Variants in FMN1 observed in about 807,000 individuals in gnomAD.
FMN1 encodes the protein formin-1.
In FMN1, 110 loss-of-function variants were observed where a neutral mutation model predicts 132.4. The observed-to-expected ratio is 0.83, with a 90% CI of 0.71 to 0.97. The LOEUF is 0.97. Among genes scored for constraint, FMN1 ranks in the 50% least tolerant of loss-of-function variants. The pLI is 0.00. For missense variants in FMN1, 1,792 were observed against 1,705.3 expected (o/e 1.05, Z -0.90); for synonymous variants, 722 against 651.7 (o/e 1.11, Z -1.64).
chr15:33,013,030 A>AG (rs1333062820), intron 6 of FMN1: 6 of 414,144 alleles, frequency 1.4e-5, no homozygotes, highest in Non-Finnish European at 2.8e-5. Flanking sequence ...AGGAGGCTAT[A>AG]GGGGTAGCAC....
At chr15:33,106,673 T>C (rs536475591) in intron 4 of FMN1, among the ~76,000 whole-genome samples, 1 of 152,146 alleles carries the variant, frequency 6.6e-6, no homozygotes, top group East Asian at 1.9e-4. Context: ...ACCATTGAAA[T>C]TTTGGGCCAG....
At chr15:33,106,370 C>T (rs1041312171) in intron 4 of FMN1, 1 of 151,702 alleles carries the variant, frequency 6.6e-6, no homozygotes, top group African/African-American at 2.4e-5. Context: ...GTCTCTGTGG[C>T]CTTTTTTTTA....
chr15:32,912,845 C>T (rs1409059590), intron 10 of FMN1, among the ~76,000 whole-genome samples: 1 of 152,082 alleles, frequency 6.6e-6, no homozygotes, highest in Non-Finnish European at 1.5e-5. Flanking sequence ...TAAAACAGCT[C>T]TAATACCACT....
intron 9 of FMN1, among the ~76,000 whole-genome samples, chr15:32,954,708 G>C (rs972299848): frequency 6.6e-6 from 1 of 152,134 alleles, no homozygotes; most frequent in African/African-American, 2.4e-5. Context: ...CATTTATCAA[G>C]TAATTAACAA....
intron 7 of FMN1, among the ~76,000 whole-genome samples, chr15:32,982,039 GA>G (rs895663093): frequency 1.1e-4 from 16 of 150,672 alleles, no homozygotes; most frequent in African/African-American, 3.7e-4. Context: ...CAAAAATAAG[GA>G]AAAAAAAATT....
At chr15:33,097,859 A>G (rs1240921399) in intron 4 of FMN1, among the ~76,000 whole-genome samples, 1 of 152,228 alleles carries the variant, frequency 6.6e-6, no homozygotes, top group Non-Finnish European at 1.5e-5. Flanking sequence ...AGCTTGACAG[A>G]AAATCAGTAC....
intron 9 of FMN1, among the ~76,000 whole-genome samples, chr15:32,936,344 C>T (rs1271913361): frequency 6.6e-6 from 1 of 152,156 alleles, no homozygotes; most frequent in Non-Finnish European, 1.5e-5. Flanking sequence ...AGACTGATTT[C>T]ATACAGTGAA....
At chr15:33,122,040 G>A (rs1475049530) in intron 4 of FMN1, among the ~76,000 whole-genome samples, 1 of 151,906 alleles carries the variant, frequency 6.6e-6, no homozygotes, top group African/African-American at 2.4e-5. Flanking sequence ...GCACAATACA[G>A]TCAGGCCAAT....
At chr15:32,947,645 G>T (rs1015223974) in intron 9 of FMN1, among the ~76,000 whole-genome samples, 1 of 151,994 alleles carries the variant, frequency 6.6e-6, no homozygotes, top group African/African-American at 2.4e-5. Flanking sequence ...TTCATGAAGA[G>T]AATTATGTCT....
intron 4 of FMN1, among the ~76,000 whole-genome samples, chr15:33,136,926 A>G (rs1396616517): frequency 6.6e-6 from 1 of 151,930 alleles, no homozygotes; most frequent in Non-Finnish European, 1.5e-5. Context: ...TGTCTCTACT[A>G]AAAATACAAA....
At chr15:32,879,887 G>A (rs546592878) in intron 16 of FMN1, among the ~76,000 whole-genome samples, 186 of 151,848 alleles carry the variant, frequency 1.2e-3, no homozygotes, top group Non-Finnish European at 2.0e-3. Flanking sequence ...AAAGTTATAC[G>A]TGCACGCAGT....
At position 32,885,805 on chromosome 15, in the gene FMN1, ATT is replaced by A. The variant is rs11333611; in HGVS notation, c.3835+2365_3835+2366del. 6.2e-4 allele frequency among the ~76,000 whole-genome samples: 90 copies of A among 144,266 alleles called. 1 individual carries two copies. The highest frequency in any genetic ancestry group is 3.6e-3 in the East Asian group (18 of 4,964). The allele number at this position is 144,266 out of a possible 152,430, so 94.6% of individuals were successfully genotyped here. The stretch of plus-strand genomic sequence containing the variant: ...CATTAGGTTAAGGTGTGTTAATACT[ATT>A]TTTTTTTTTTTTTAAAAGACTCTGC... On this transcript the variant is annotated intron_variant, in intron 16 of 20. Transcript: ENST00000616417.
At chr15:32,774,404 G>A (rs769198777) in intron 20 of FMN1, 50 bp from the exon 21 acceptor site, 30 of 1,474,364 alleles carry the variant, frequency 2.0e-5, no homozygotes. Context: ...TCTTTCTCAA[G>A]TTTTGATACA....
chr15:33,014,686 T>TA (rs2034936219), intron 6 of FMN1, among the ~76,000 whole-genome samples: 1 of 152,244 alleles, frequency 6.6e-6, no homozygotes, highest in Non-Finnish European at 1.5e-5. Context: ...AAAGCTTTCT[T>TA]AGTCTAGTAT....
intron 4 of FMN1, among the ~76,000 whole-genome samples, chr15:33,093,655 A>C (rs2038979967): frequency 6.6e-6 from 1 of 152,214 alleles, no homozygotes; most frequent in Non-Finnish European, 1.5e-5. Flanking sequence ...TATCCACCCC[A>C]GCCTCTAACT....
At chr15:33,016,633 T>TA (rs1241177786) in intron 6 of FMN1, among the ~76,000 whole-genome samples, 2 of 152,200 alleles carry the variant, frequency 1.3e-5, no homozygotes, top group Admixed American at 6.5e-5. Context: ...GAGAGGCTGT[T>TA]ACCTGTAATG....
rs1245000851 is a variant in FMN1, at chr15:32,766,317, T to C, written c.*7993A>G. 1 of 152,204 alleles carries C rather than the reference T, an allele frequency of 6.6e-6. No homozygotes were observed. Among genetic ancestry groups the C allele is most frequent in the African/African-American group, 2.4e-5 (1 of 41,454 alleles). 9.4% of individuals were successfully genotyped at this position (152,204 alleles called of 1,614,324 possible). A position where few individuals can be genotyped will look rare whatever the true frequency, so the allele number is the denominator to read the frequency against. ...TTTGAATCATGAATAGTAGTAAGAA[T>C]GGAGCGGCAATAAAAATCCTTATGA... On this transcript the variant is annotated 3_prime_UTR_variant, in exon 21 of 21. Coordinates refer to ENST00000616417, the MANE Select transcript of FMN1 (RefSeq NM_001277313.2).
intron 6 of FMN1, among the ~76,000 whole-genome samples, chr15:33,048,641 A>AC (rs1596550384): frequency 1.4e-5 from 2 of 142,408 alleles, no homozygotes; most frequent in East Asian, 2.0e-4. Flanking sequence ...CAAAAAAAAA[A>AC]AAAAAAAACC....
At chr15:32,894,482 T>C (rs2060106473) in intron 15 of FMN1, among the ~76,000 whole-genome samples, 1 of 142,410 alleles carries the variant, frequency 7.0e-6, no homozygotes, top group African/African-American at 2.7e-5. Context: ...AGACTCCATC[T>C]CAATTAAAAA....
Sources: gnomAD v4.1 joint callset for allele counts (sites outside exome capture counted in the v4.1 genomes callset) on GRCh38, gnomAD v4.1.1 for gene constraint, MANE v1.5 for transcripts, NCBI Gene and HGNC (gene_info 2026-07-23, HGNC 2026-07-21) for gene names.